The following CCDC148 variants were observed in gnomAD, a reference collection of about 807,000 sequenced individuals.
The protein encoded by CCDC148 is coiled-coil domain containing 148, also known as coiled-coil domain-containing protein 148.
A neutral mutation model predicts 85.7 loss-of-function variants in CCDC148; 89 were observed. The observed-to-expected ratio is 1.04, with a 90% CI of 0.87 to 1.24. The LOEUF is 1.24. Among genes scored for constraint, CCDC148 ranks in the 50% most tolerant of loss-of-function variants. The probability of loss-of-function intolerance (pLI) is 0.00; values close to 1 mark genes in which losing one functional copy is unlikely to be tolerated. For synonymous variants in CCDC148, 230 were observed against 213.9 expected (o/e 1.08, Z -0.66); for missense variants, 692 against 671.7 (o/e 1.03, Z -0.33).
At chr2:158,410,233 C>A (rs1686201646) in intron 1 of CCDC148, among the ~76,000 whole-genome samples, 1 of 152,146 alleles carries the variant, frequency 6.6e-6, no homozygotes, top group Non-Finnish European at 1.5e-5. Flanking sequence ...CATTTTCAAC[C>A]AATGTGTGTG....
chr2:158,417,382 G>C (rs1054201724), intron 1 of CCDC148, among the ~76,000 whole-genome samples: 1 of 152,222 alleles, frequency 6.6e-6, no homozygotes, highest in Non-Finnish European at 1.5e-5. Context: ...CTGATGGACA[G>C]CCCCAGCTAC....
intron 8 of CCDC148, among the ~76,000 whole-genome samples, chr2:158,312,359 G>A (rs764555090): frequency 8.6e-5 from 13 of 151,068 alleles, no homozygotes; most frequent in Admixed American, 5.3e-4. Context: ...CGAGGTGAGC[G>A]GATCAGGAGG....
At chr2:158,192,338 C>T (rs1685461858) in intron 11 of CCDC148, among the ~76,000 whole-genome samples, 1 of 151,938 alleles carries the variant, frequency 6.6e-6, no homozygotes, top group African/African-American at 2.4e-5. Context: ...ATAAAACAGG[C>T]TTCCAACAAC....
chr2:158,450,481 G>C (rs1688362196), intron 1 of CCDC148, among the ~76,000 whole-genome samples: 2 of 152,168 alleles, frequency 1.3e-5, no homozygotes, highest in South Asian at 4.1e-4. Context: ...GCACAAAGCT[G>C]CTGGCTGTAT....
At chr2:158,268,684 TTATTTA>T (rs2105160220) in intron 9 of CCDC148, among the ~76,000 whole-genome samples, 1 of 152,276 alleles carries the variant, frequency 6.6e-6, no homozygotes, top group African/African-American at 2.4e-5. Context: ...TCCCCTGAAC[TTATTTA>T]TCTTATAAAT....
intron 9 of CCDC148, among the ~76,000 whole-genome samples, chr2:158,282,973 T>C (rs1049207310): frequency 2.6e-5 from 4 of 152,020 alleles, no homozygotes; most frequent in African/African-American, 7.2e-5. Flanking sequence ...GAAATAACGC[T>C]GCATATCTAC....
At chr2:158,353,688 G>C (rs1683455412) in intron 2 of CCDC148, among the ~76,000 whole-genome samples, 1 of 152,170 alleles carries the variant, frequency 6.6e-6, no homozygotes, top group South Asian at 2.1e-4. Flanking sequence ...AGTCAACAAG[G>C]ACACCCAGGA....
intron 7 of CCDC148, among the ~76,000 whole-genome samples, chr2:158,320,974 CA>C (rs1162709372): frequency 6.6e-6 from 1 of 152,108 alleles, no homozygotes. Context: ...ATACTTTTCA[CA>C]AATACATAAC....
At chr2:158,317,539 C>T (rs975736089) in intron 7 of CCDC148, among the ~76,000 whole-genome samples, 1 of 152,136 alleles carries the variant, frequency 6.6e-6, no homozygotes, top group African/African-American at 2.4e-5. Flanking sequence ...TTCACCCTGA[C>T]CCAAGCCAAT....
intron 1 of CCDC148, among the ~76,000 whole-genome samples, chr2:158,425,704 T>C (rs1437492808): frequency 1.3e-5 from 2 of 152,170 alleles, no homozygotes; most frequent in African/African-American, 2.4e-5. Context: ...TGTGGTCCTT[T>C]ATAAATAGCC....
chr2:158,287,616 A>G (rs1331117868), intron 9 of CCDC148, among the ~76,000 whole-genome samples: 1 of 152,232 alleles, frequency 6.6e-6, no homozygotes, highest in African/African-American at 2.4e-5. Flanking sequence ...AATCCCGGTC[A>G]CACTGATGCA....
Position 158,438,461 on chromosome 2 carries a change from C to T in CCDC148, c.25+17954G>A, listed in dbSNP as rs560282726. 4.4e-3 allele frequency among the ~76,000 whole-genome samples: 676 copies of T among 152,180 alleles called. 10 individuals are homozygous for T. The highest frequency in any genetic ancestry group is 0.042 in the East Asian group (217 of 5,178). ...AACTGGATCCCTTCCTTACACCTTACACAAAAATTAATTCAAGATGGATTA... is the reference window on the plus strand; with the variant it reads ...AACTGGATCCCTTCCTTACACCTTATACAAAAATTAATTCAAGATGGATTA... On this transcript the variant is annotated intron_variant, in intron 1 of 13. Transcript: ENST00000283233.
chr2:158,260,573 C>T (rs763191792), intron 9 of CCDC148, among the ~76,000 whole-genome samples: 17 of 152,018 alleles, frequency 1.1e-4, no homozygotes, highest in South Asian at 4.2e-4. Context: ...AGTCGAATTA[C>T]CCCTGCTTGC....
intron 7 of CCDC148, among the ~76,000 whole-genome samples, chr2:158,336,425 T>A (rs1232619816): frequency 6.6e-6 from 1 of 152,226 alleles, no homozygotes; most frequent in Non-Finnish European, 1.5e-5. Flanking sequence ...ATTTGCATGT[T>A]ATTTTTATTT....
chr2:158,215,380 T>C (rs1197867543), intron 11 of CCDC148, among the ~76,000 whole-genome samples: 1 of 152,182 alleles, frequency 6.6e-6, no homozygotes, highest in Non-Finnish European at 1.5e-5. Flanking sequence ...TCTACAAAAA[T>C]GACCCATGAC....
At chr2:158,401,174 C>G (rs1327528845) in intron 1 of CCDC148, among the ~76,000 whole-genome samples, 1 of 152,084 alleles carries the variant, frequency 6.6e-6, no homozygotes, top group Admixed American at 6.6e-5. Context: ...CTAGAAATAC[C>G]ATTTGACCCA....
chr2:158,228,815 GGGGGGA>G (rs1687698425), intron 10 of CCDC148, among the ~76,000 whole-genome samples: 1 of 143,938 alleles, frequency 6.9e-6, no homozygotes, highest in African/African-American at 2.5e-5. Flanking sequence ...TTGTGGGGTT[GGGGGGA>G]GGGGGGAGGG....
At chr2:158,306,611 A>G (rs531247737) in intron 9 of CCDC148, among the ~76,000 whole-genome samples, 17 of 145,486 alleles carry the variant, frequency 1.2e-4, no homozygotes, top group Non-Finnish European at 2.3e-4. Context: ...TCTCACTCAT[A>G]GGTGGGAATT....
At chr2:158,285,577 C>T (rs1339542080) in intron 9 of CCDC148, among the ~76,000 whole-genome samples, 2 of 150,900 alleles carry the variant, frequency 1.3e-5, no homozygotes, top group East Asian at 3.9e-4. Context: ...GTCGCCCAGG[C>T]TGGAGTGCAG....
Sources: allele counts gnomAD v4.1 joint callset (sites outside exome capture counted in the v4.1 genomes callset), GRCh38; gene constraint gnomAD v4.1.1; transcripts MANE v1.5; gene names NCBI Gene and HGNC (gene_info 2026-07-23, HGNC 2026-07-21).